Variants in WNT5A observed in about 807,000 individuals in gnomAD.
WNT5A encodes Wnt family member 5A.
A neutral mutation model predicts 42.1 loss-of-function variants in WNT5A; 9 were observed. That is an observed-to-expected ratio of 0.21 (90% CI 0.13 to 0.37). The LOEUF is 0.37. Ranked by LOEUF, WNT5A falls within the 10% of genes least tolerant of loss-of-function variation. The pLI is 1.00. For missense variants in WNT5A, 426 were observed against 534.0 expected, an observed-to-expected ratio of 0.80 and a Z score of 1.99; for synonymous variants, 210 against 210.0, an observed-to-expected ratio of 1.00 and a Z score of 0.00.
intron 4 of WNT5A, among the ~76,000 whole-genome samples, chr3:55,473,719 T>C (rs933637678): frequency 1.3e-5 from 2 of 152,166 alleles, no homozygotes; most frequent in African/African-American, 2.4e-5. Context: ...TCAGGCCTGC[T>C]ACCTAATGAC....
chr3:55,470,180 G>A lies in WNT5A; in HGVS notation c.1055C>T (p.Thr352Met), dbSNP rs755298573. Residue 352 changes from threonine to methionine, a missense_variant, in exon 5 of 5, where the codon ACG becomes ATG. By Grantham distance (81) the Thr-to-Met change is moderately conservative. Transcript: ENST00000264634. ...RGYDQFKTVQ[T>M]ERCHCKFHWC... ...GTGGAACTTGCAGTGGCAGCGCTCC[G>A]TCTGCACGGTCTTGAACTGGTCGTA... is the stretch of plus-strand genomic sequence containing the variant. 17 of 1,613,942 alleles carry A rather than the reference G, an allele frequency of 1.1e-5. No individual in the cohort carries two copies. Among genetic ancestry groups the A allele is most frequent in the Admixed American group, 6.7e-5 (4 of 60,014 alleles).
At chr3:55,494,513 A>G (rs11710377), upstream of WNT5A, among the ~76,000 whole-genome samples, 1,428 of 152,328 alleles carry the variant, frequency 9.4e-3, 11 homozygotes, top group Middle Eastern at 0.02. Context: ...TTAGGTTGGT[A>G]CAAAAGTAAT....
chr3:55,476,800 G>A (rs981183010), intron 3 of WNT5A, among the ~76,000 whole-genome samples: 16 of 152,168 alleles, frequency 1.1e-4, no homozygotes, highest in African/African-American at 3.6e-4. Context: ...TTCCCTTCCT[G>A]TGAAACCCAC....
chr3:55,486,394 AG>A (rs966158521), intron 1 of WNT5A, among the ~76,000 whole-genome samples: 3 of 152,162 alleles, frequency 2.0e-5, no homozygotes, highest in African/African-American at 7.2e-5. Flanking sequence ...TTAAAGGCAA[AG>A]GGGCCTGAAG....
At chr3:55,471,561 C>G (rs1399481792) in intron 4 of WNT5A, among the ~76,000 whole-genome samples, 1 of 152,242 alleles carries the variant, frequency 6.6e-6, no homozygotes. Context: ...ACTTAAGACA[C>G]AGTAAATCTG....
At chr3:55,485,390 CTT>C (rs1009025635) in intron 1 of WNT5A, among the ~76,000 whole-genome samples, 2 of 151,960 alleles carry the variant, frequency 1.3e-5, no homozygotes, top group African/African-American at 4.8e-5. Context: ...ACAGGGGACT[CTT>C]GGGCCGGGCC....
chr3:55,487,265 C>T lies in WNT5A; in HGVS notation c.-280G>A. 2.2e-6 allele frequency: 1 copy of T among 449,144 alleles called. No homozygotes were observed. Among genetic ancestry groups the T allele is most frequent in the East Asian group, 3.7e-5 (1 of 27,308 alleles). The allele number at this position is 449,144 out of a possible 1,614,324, so 27.8% of individuals were successfully genotyped here. ...AGGGCAGGGCCTGGTCGGGGCGCAA[C>T]TAGGGAGCCGCCGGTCCGGCGAGGG... is the stretch of plus-strand genomic sequence containing the variant. On this transcript the variant is annotated 5_prime_UTR_variant, in exon 1 of 5. Transcript: ENST00000264634.
chr3:55,491,623 C>A (rs891688125), upstream of WNT5A, among the ~76,000 whole-genome samples: 2 of 152,184 alleles, frequency 1.3e-5, no homozygotes, highest in Non-Finnish European at 2.9e-5. Context: ...AAATCTACCC[C>A]CCTTTTATGC....
chr3:55,473,138 G>A (rs973859136), intron 4 of WNT5A, among the ~76,000 whole-genome samples: 1 of 152,150 alleles, frequency 6.6e-6, no homozygotes, highest in Non-Finnish European at 1.5e-5. Flanking sequence ...CAATAAAAAC[G>A]TACCTAGGCT....
At chr3:55,497,184 G>A in the WNT5A span, among the ~76,000 whole-genome samples, 2 of 152,228 alleles carry the variant, frequency 1.3e-5, no homozygotes, top group Non-Finnish European at 2.9e-5. Context: ...TGAGGTGGGA[G>A]CCTCCTAAAT....
intron 4 of WNT5A, among the ~76,000 whole-genome samples, chr3:55,473,697 ACCCT>A (rs1454711844): frequency 1.3e-5 from 2 of 152,182 alleles, no homozygotes; most frequent in African/African-American, 4.8e-5. Context: ...TTTTAAAAAA[ACCCT>A]CCATCCATCA....
chr3:55,505,094 C>T, the WNT5A span: 1 of 152,122 alleles, frequency 6.6e-6, no homozygotes. Context: ...TTAGTTCATT[C>T]TAATGCTGCT....
At position 55,469,009 on chromosome 3, in the gene WNT5A, G is replaced by A. The variant is rs556023434; in HGVS notation, c.*1083C>T. 1.3e-5 allele frequency: 2 copies of A among 152,282 alleles called. No individual in the cohort carries two copies. Among genetic ancestry groups the A allele is most frequent in the African/African-American group, 2.4e-5 (1 of 41,552 alleles). The allele number at this position is 152,282 out of a possible 1,614,324, so 9.4% of individuals were successfully genotyped here. A position where few individuals can be genotyped will look rare whatever the true frequency, so the allele number is the denominator to read the frequency against. ...CCAAAGGGGACCCAGTGGAGCTGCCGTTTGGAAACGTGGCCAGCATCACAT... is the reference window on the plus strand; with the variant it reads ...CCAAAGGGGACCCAGTGGAGCTGCCATTTGGAAACGTGGCCAGCATCACAT... On this transcript the variant is annotated 3_prime_UTR_variant, in exon 5 of 5. Coordinates refer to ENST00000264634, the MANE Select transcript of WNT5A (RefSeq NM_003392.7).
the WNT5A span, among the ~76,000 whole-genome samples, chr3:55,503,632 C>T: frequency 6.6e-6 from 1 of 152,168 alleles, no homozygotes; most frequent in Non-Finnish European, 1.5e-5. Flanking sequence ...GCTTGCAGGG[C>T]TCCAAGCCTA....
At chr3:55,490,371 A>T (rs2051645779), upstream of WNT5A, 1 of 152,158 alleles carries the variant, frequency 6.6e-6, no homozygotes, top group Admixed American at 6.5e-5. Context: ...TCTTTCCTCT[A>T]GTGGAAGTCG....
At chr3:55,476,458 G>A (rs1035201115) in intron 3 of WNT5A, among the ~76,000 whole-genome samples, 2 of 152,312 alleles carry the variant, frequency 1.3e-5, no homozygotes, top group Admixed American at 1.3e-4. Flanking sequence ...TACAGAAAAT[G>A]CTGTGGCCCT....
the WNT5A span, among the ~76,000 whole-genome samples, chr3:55,503,268 T>G: frequency 1.3e-5 from 2 of 152,238 alleles, no homozygotes; most frequent in Non-Finnish European, 2.9e-5. Context: ...TGAACATTTT[T>G]ATTATTTGTG....
chr3:55,470,424 C>T lies in WNT5A; in HGVS notation c.811G>A (p.Asp271Asn), dbSNP rs1359294973. 5 of 1,612,838 alleles carry T rather than the reference C, an allele frequency of 3.1e-6. No individual in the cohort carries two copies. The highest frequency in any genetic ancestry group is 2.2e-5 in the East Asian group (1 of 44,848). ...KVGDALKEKY[D>N]SAAAMRLNSR... ...TTGAGCCGCATGGCCGCCGCGCTGT[C>T]GTACTTCTCCTTCAGGGCATCACCC... Residue 271 changes from aspartate to asparagine, a missense_variant, in exon 5 of 5, where the codon GAC becomes AAC. Asp to Asn is a conservative substitution (Grantham distance 23, BLOSUM62 1). Around this residue, in one of 3 missense-constraint regions of WNT5A, gnomAD observed 358 missense variants for 468.1 expected, o/e 0.76. Transcript: ENST00000264634.
chr3:55,487,278 G>T lies in WNT5A; in HGVS notation c.-293C>A. 1 of 433,242 alleles carries T rather than the reference G, an allele frequency of 2.3e-6. No individual in the cohort carries two copies. The highest frequency in any genetic ancestry group is 5.5e-5 in the South Asian group (1 of 18,256). The allele number at this position is 433,242 out of a possible 1,614,324, so 26.8% of individuals were successfully genotyped here. On this transcript the variant is annotated 5_prime_UTR_variant, in exon 1 of 5. Transcript: ENST00000264634. ...GTCGGGGCGCAACTAGGGAGCCGCCGGTCCGGCGAGGGCGCGCAGGCAACT... is the reference window on the plus strand; with the variant it reads ...GTCGGGGCGCAACTAGGGAGCCGCCTGTCCGGCGAGGGCGCGCAGGCAACT...
Sources: allele counts gnomAD v4.1 joint callset (sites outside exome capture counted in the v4.1 genomes callset), GRCh38; gene constraint gnomAD v4.1.1; regional missense constraint gnomAD v4.1.1; transcripts MANE v1.5; gene names NCBI Gene and HGNC (gene_info 2026-07-23, HGNC 2026-07-21).